The following KIAA0825 variants were observed in gnomAD, a reference collection of about 807,000 sequenced individuals.
KIAA0825 encodes KIAA0825, also known as uncharacterized protein KIAA0825.
Under a neutral mutation model 147.6 loss-of-function variants are expected in KIAA0825, and 119 were observed. The observed-to-expected ratio is 0.81, with a 90% CI of 0.69 to 0.94. KIAA0825 has a LOEUF of 0.94. KIAA0825 is among the 40% of genes least tolerant of loss of function. The pLI is 0.00. For synonymous variants in KIAA0825, 470 were observed against 518.1 expected (o/e 0.91, Z 1.26); for missense variants, 1,381 against 1,472.7 (o/e 0.94, Z 1.02).
intron 20 of KIAA0825, among the ~76,000 whole-genome samples, chr5:94,336,236 T>G (rs1781775585): frequency 6.6e-6 from 1 of 151,620 alleles, no homozygotes; most frequent in South Asian, 2.1e-4. Context: ...CACCCAATGA[T>G]AGTACAATAC....
In KIAA0825 at chr5:94,412,617, T is replaced by A. The variant is rs1040304089; in HGVS notation, c.2662+4584A>T. Among the ~76,000 whole-genome samples, 5 of 152,028 alleles carry A rather than the reference T, an allele frequency of 3.3e-5. 1 individual carries two copies. The highest frequency in any genetic ancestry group is 7.3e-5 in the African/African-American group (3 of 41,370). ...GGTTTCACCATGTTGGCCAGGATGG[T>A]CTCGATCTCCTGACCTGGTGATCCA... On this transcript the variant is annotated intron_variant, in intron 15 of 20. Coordinates refer to ENST00000682413, the MANE Select transcript of KIAA0825 (RefSeq NM_001145678.3).
intron 20 of KIAA0825, among the ~76,000 whole-genome samples, chr5:94,178,300 T>C (rs765849426): frequency 1.3e-5 from 2 of 152,050 alleles, no homozygotes; most frequent in Non-Finnish European, 2.9e-5. Flanking sequence ...TTATTTCTGA[T>C]TTGTGTCTTA....
At chr5:94,260,112 A>G (rs557730465) in intron 20 of KIAA0825, among the ~76,000 whole-genome samples, 6 of 152,152 alleles carry the variant, frequency 3.9e-5, no homozygotes, top group Non-Finnish European at 7.4e-5. Context: ...AATGGTAGTA[A>G]TATATCCCAC....
intron 20 of KIAA0825, among the ~76,000 whole-genome samples, chr5:94,343,885 T>C (rs1782703852): frequency 6.6e-6 from 1 of 152,098 alleles, no homozygotes; most frequent in Non-Finnish European, 1.5e-5. Context: ...AAAGAGACTA[T>C]CCAAATGCTC....
chr5:94,397,614 G>A (rs1047478991), intron 16 of KIAA0825, among the ~76,000 whole-genome samples: 2 of 152,092 alleles, frequency 1.3e-5, no homozygotes, highest in Non-Finnish European at 2.9e-5. Context: ...ACTTTGGGTT[G>A]GATGATCCTT....
chr5:94,504,583 T>C (rs2151132506), intron 5 of KIAA0825, among the ~76,000 whole-genome samples: 1 of 152,284 alleles, frequency 6.6e-6, no homozygotes, highest in South Asian at 2.1e-4. Context: ...CTAGATTTTA[T>C]CTTAGTGTGT....
At chr5:94,346,772 C>T (rs1424891569) in intron 20 of KIAA0825, among the ~76,000 whole-genome samples, 2 of 152,190 alleles carry the variant, frequency 1.3e-5, no homozygotes, top group Non-Finnish European at 2.9e-5. Context: ...AAATCTCTAG[C>T]TGAACTTCGT....
intron 2 of KIAA0825, among the ~76,000 whole-genome samples, chr5:94,573,270 G>GTTTTTTTT (rs534638768): frequency 8.0e-6 from 1 of 124,930 alleles, no homozygotes; most frequent in African/African-American, 3.0e-5. Flanking sequence ...CTTTTTAAGT[G>GTTTTTTTT]TTTTTTTTTT....
intron 5 of KIAA0825, among the ~76,000 whole-genome samples, chr5:94,499,589 G>C (rs1056994097): frequency 2.1e-5 from 3 of 145,750 alleles, no homozygotes; most frequent in South Asian, 2.3e-4. Context: ...CCAATCTGGG[G>C]GGGGGGGGGG....
intron 20 of KIAA0825, among the ~76,000 whole-genome samples, chr5:94,201,323 T>G (rs915062956): frequency 5.9e-5 from 9 of 151,882 alleles, no homozygotes; most frequent in African/African-American, 2.2e-4. Flanking sequence ...ATGTAATAGA[T>G]TTAATAAAAT....
chr5:94,401,398 C>T (rs1480622717), intron 16 of KIAA0825, among the ~76,000 whole-genome samples: 2 of 152,040 alleles, frequency 1.3e-5, no homozygotes, highest in Non-Finnish European at 2.9e-5. Context: ...CTGTAGTTGA[C>T]TTATTGGTTT....
intron 20 of KIAA0825, among the ~76,000 whole-genome samples, chr5:94,264,856 C>G (rs1304647764): frequency 2.0e-5 from 3 of 150,188 alleles, no homozygotes; most frequent in Non-Finnish European, 2.9e-5. Flanking sequence ...GACCTTAGCT[C>G]ACTGCAACCT....
chr5:94,296,559 C>G (rs961362416), intron 20 of KIAA0825, among the ~76,000 whole-genome samples: 17 of 152,204 alleles, frequency 1.1e-4, no homozygotes, highest in African/African-American at 4.1e-4. Flanking sequence ...ATCTCCTGGT[C>G]TGGGGTTGCA....
chr5:94,468,227 C>T (rs1760792075), intron 10 of KIAA0825, among the ~76,000 whole-genome samples: 1 of 152,188 alleles, frequency 6.6e-6, no homozygotes, highest in African/African-American at 2.4e-5. Context: ...CTTATTTACA[C>T]TGTACAACTC....
chr5:94,378,693 C>T (rs1045475359), intron 20 of KIAA0825, among the ~76,000 whole-genome samples: 3 of 152,264 alleles, frequency 2.0e-5, no homozygotes, highest in Admixed American at 2.0e-4. Flanking sequence ...CTGCTTTCCA[C>T]AAGGGCTGAA....
intron 6 of KIAA0825, among the ~76,000 whole-genome samples, chr5:94,479,284 TA>T (rs1415881899): frequency 3.3e-5 from 5 of 152,104 alleles, no homozygotes; most frequent in Non-Finnish European, 7.4e-5. Flanking sequence ...TGGTACCCAC[TA>T]ATCTATTTGC....
intron 20 of KIAA0825, among the ~76,000 whole-genome samples, chr5:94,318,707 T>C (rs1779882960): frequency 6.6e-6 from 1 of 151,844 alleles, no homozygotes; most frequent in Non-Finnish European, 1.5e-5. Flanking sequence ...AATACTAAAT[T>C]TGCTATTTTC....
intron 5 of KIAA0825, among the ~76,000 whole-genome samples, chr5:94,492,010 T>G (rs756795840): frequency 6.6e-6 from 1 of 152,222 alleles, no homozygotes; most frequent in Non-Finnish European, 1.5e-5. Flanking sequence ...GAAGGAACTA[T>G]TAAGGAAACT....
chr5:94,616,919 G>T (rs1790672221), intron 1 of KIAA0825, among the ~76,000 whole-genome samples: 1 of 152,020 alleles, frequency 6.6e-6, no homozygotes, highest in Admixed American at 6.6e-5. Flanking sequence ...ACTTATAAAG[G>T]TATAGAGCAC....
Sources: allele counts gnomAD v4.1 joint callset (sites outside exome capture counted in the v4.1 genomes callset), GRCh38; gene constraint gnomAD v4.1.1; transcripts MANE v1.5; gene names NCBI Gene and HGNC (gene_info 2026-07-23, HGNC 2026-07-21).